The following COL4A4 variants were observed in gnomAD, a reference collection of about 807,000 sequenced individuals.
COL4A4 encodes the protein collagen alpha-4(IV) chain.
COL4A4 carries 105 observed loss-of-function variants against 192.9 expected under a neutral mutation model. The observed-to-expected ratio is 0.54, with a 90% CI of 0.46 to 0.64. The LOEUF (loss-of-function observed/expected upper bound fraction) is 0.64. COL4A4 is among the 30% of genes least tolerant of loss of function. The probability of loss-of-function intolerance (pLI) is 0.00; values close to 1 mark genes in which losing one functional copy is unlikely to be tolerated. For synonymous variants in COL4A4, 762 were observed against 769.9 expected (o/e 0.99, Z 0.17); for missense variants, 1,967 against 2,169.3 (o/e 0.91, Z 1.85).
Position 227,118,633 on chromosome 2 carries a change from T to A in COL4A4, c.489+12A>T. ...TTAAGATTCCTGTTAAGATGAACTG[T>A]GGGTATCTTACTAGGGGGCCTCCTG... On this transcript the variant is annotated intron_variant, in intron 7 of 47. Transcript: ENST00000396625. 1 of 1,569,198 alleles carries A rather than the reference T, an allele frequency of 6.4e-7. No individual in the cohort carries two copies. The highest frequency in any genetic ancestry group is 8.8e-7 in the Non-Finnish European group (1 of 1,139,118).
At chr2:227,083,605 C>A (rs1452379146) in intron 22 of COL4A4, among the ~76,000 whole-genome samples, 1 of 152,102 alleles carries the variant, frequency 6.6e-6, no homozygotes, top group East Asian at 1.9e-4. Flanking sequence ...TGCCACCATG[C>A]CTGGCTAATT....
intron 1 of COL4A4, among the ~76,000 whole-genome samples, chr2:227,160,724 G>A (rs1374750700): frequency 1.3e-5 from 2 of 152,202 alleles, no homozygotes; most frequent in African/African-American, 4.8e-5. Flanking sequence ...TTACATAGAA[G>A]ATGAGTTTCA....
intron 25 of COL4A4, among the ~76,000 whole-genome samples, chr2:227,074,798 G>C (rs1309414943): frequency 1.3e-5 from 2 of 152,170 alleles, no homozygotes; most frequent in African/African-American, 4.8e-5. Flanking sequence ...AAGTAACACA[G>C]GAGTGGAAAA....
intron 14 of COL4A4, 29 bp downstream of exon 14, chr2:227,103,115 A>G (rs776674088): frequency 3.4e-5 from 4 of 116,392 alleles, no homozygotes; most frequent in African/African-American, 5.8e-4. Flanking sequence ...CACACAAATG[A>G]AAAAAAAAAA....
At chr2:226,970,387 T>TG in the COL4A4 span, among the ~76,000 whole-genome samples, 39 of 152,214 alleles carry the variant, frequency 2.6e-4, no homozygotes, top group African/African-American at 8.2e-4. Context: ...TTTACTAAAA[T>TG]AAGCTTTTTT....
At chr2:227,012,850 G>A (rs958181451) in intron 44 of COL4A4, among the ~76,000 whole-genome samples, 34 of 152,060 alleles carry the variant, frequency 2.2e-4, no homozygotes, top group African/African-American at 8.2e-4. Flanking sequence ...ATCCCTTTAC[G>A]TGGATTGTCC....
At chr2:226,996,941 C>G in the COL4A4 span, 1 of 152,100 alleles carries the variant, frequency 6.6e-6, no homozygotes, top group Admixed American at 6.5e-5. Flanking sequence ...CACCTGTAGC[C>G]CTACCCTTAG....
chr2:227,104,604 A>T (rs946975897), intron 12 of COL4A4, among the ~76,000 whole-genome samples: 58 of 147,636 alleles, frequency 3.9e-4, no homozygotes, highest in African/African-American at 1.4e-3. Flanking sequence ...AATAAATAAA[A>T]AATCCTACTA....
intron 9 of COL4A4, 131 bp downstream of exon 9, chr2:227,111,547 G>T: frequency 1.0e-6 from 1 of 967,562 alleles, no homozygotes. Context: ...TTTTTGAACA[G>T]GGAACCCACA....
chr2:227,080,036 A>G (rs1466160494), intron 24 of COL4A4, among the ~76,000 whole-genome samples: 1 of 152,106 alleles, frequency 6.6e-6, no homozygotes, highest in East Asian at 1.9e-4. Flanking sequence ...CATGCTCACT[A>G]CTTCCCCCAT....
chr2:227,046,868 A>G (rs980827466), intron 35 of COL4A4, among the ~76,000 whole-genome samples: 5 of 152,042 alleles, frequency 3.3e-5, no homozygotes, highest in Non-Finnish European at 5.9e-5. Context: ...GTGCATCACA[A>G]TCCATTCTGA....
In COL4A4 at chr2:227,055,960, G is replaced by A. The variant is rs868307078; in HGVS notation, c.2701C>T (p.Pro901Ser). 2 of 1,613,830 alleles carry A rather than the reference G, an allele frequency of 1.2e-6. No individual in the cohort carries two copies. The highest frequency in any genetic ancestry group is 1.7e-6 in the Non-Finnish European group (2 of 1,179,862). ...CACTACCTACCCTTTGGACCTGGAG[G>A]ACCAGGTAGCCCATCATCTCCAAAG... The part of the protein sequence containing the change: ...GPFGDDGLPG[P>S]PGPKGPRGLP... Residue 901 changes from proline (P) to serine (S), a missense_variant, in exon 30 of 48, where the codon CCT becomes TCT. Pro to Ser is a moderately conservative substitution (Grantham distance 74). Transcript: ENST00000396625.
At chr2:227,155,051 G>T (rs78740548) in intron 1 of COL4A4, among the ~76,000 whole-genome samples, 2 of 152,172 alleles carry the variant, frequency 1.3e-5, no homozygotes, top group East Asian at 3.8e-4. Flanking sequence ...ATGGACCACC[G>T]GAATGTGGAT....
At chr2:227,081,584 C>G (rs1371747222) in intron 23 of COL4A4, among the ~76,000 whole-genome samples, 2 of 152,186 alleles carry the variant, frequency 1.3e-5, no homozygotes, top group Admixed American at 1.3e-4. Context: ...AGCTTGCAGA[C>G]AGCCTGTAGT....
chr2:227,022,209 C>T lies in COL4A4; in HGVS notation c.4091-36G>A, dbSNP rs3752896. The T allele has an allele frequency of 0.43, 699,033 of 1,611,764 alleles. 153,701 individuals are homozygous for T. Among genetic ancestry groups the T allele is most frequent in the South Asian group, 0.56 (50,824 of 91,046 alleles). ...AATCACCGCTTGTGTAATGGATGCA[C>T]GTGCTTATGAACAAGCTCCTTCTAC... On this transcript the variant is annotated intron_variant, in intron 43 of 47. Coordinates refer to ENST00000396625, the MANE Select transcript of COL4A4 (RefSeq NM_000092.5).
At chr2:227,069,219 G>A (rs1308228778) in intron 25 of COL4A4, among the ~76,000 whole-genome samples, 2 of 149,494 alleles carry the variant, frequency 1.3e-5, no homozygotes, top group African/African-American at 4.9e-5. Flanking sequence ...AATAAAAGAG[G>A]ATACAAACAA....
rs1032811364 is a variant in COL4A4 at position 227,117,445 on chromosome 2, T to A, written c.489+1200A>T. ...AAACTTAACAATGAAAGGTGGTGGA[T>A]GTTCTTATTTGATACCAGAAGAAAA... On this transcript the variant is annotated intron_variant, in intron 7 of 47. Transcript: ENST00000396625. 2.0e-5 allele frequency among the ~76,000 whole-genome samples: 3 copies of A among 152,206 alleles called. No individual in the cohort carries two copies. In the East Asian group the frequency reaches 5.8e-4, roughly 29 times the overall value.
chr2:226,975,369 A>G, the COL4A4 span, among the ~76,000 whole-genome samples: 1 of 152,224 alleles, frequency 6.6e-6, no homozygotes, highest in Non-Finnish European at 1.5e-5. Context: ...TTTGTCAATT[A>G]GACCTCAATA....
intron 46 of COL4A4, 110 bp from the exon 47 acceptor site, chr2:227,008,414 G>C (rs1289792039): frequency 7.9e-7 from 1 of 1,259,108 alleles, no homozygotes; most frequent in Non-Finnish European, 1.1e-6. Context: ...AAATCTGGAG[G>C]CCCTCGCCAA....
Sources: allele counts gnomAD v4.1 joint callset (sites outside exome capture counted in the v4.1 genomes callset), GRCh38; gene constraint gnomAD v4.1.1; transcripts MANE v1.5; gene names NCBI Gene and HGNC (gene_info 2026-07-23, HGNC 2026-07-21).